Variants in PTDSS2 observed in about 807,000 individuals in gnomAD.
PTDSS2 encodes phosphatidylserine synthase 2.
Under a neutral mutation model 64.7 loss-of-function variants are expected in PTDSS2, and 41 were observed. That is an observed-to-expected ratio of 0.63 (90% CI 0.49 to 0.82). The LOEUF is 0.82. PTDSS2 is among the 40% of genes least tolerant of loss of function. The pLI, the probability that PTDSS2 is intolerant of heterozygous loss-of-function variation, is 0.00. For synonymous variants in PTDSS2, 297 were observed against 277.8 expected (o/e 1.07, Z -0.69); for missense variants, 485 against 650.0 (o/e 0.75, Z 2.76).
At chr11:454,860 G>A (rs1846515442) in intron 1 of PTDSS2, among the ~76,000 whole-genome samples, 1 of 152,198 alleles carries the variant, frequency 6.6e-6, no homozygotes, top group Admixed American at 6.5e-5. Flanking sequence ...GTGTGCTGTG[G>A]AACTTGGTGC....
chr11:472,933 G>C (rs912861996), intron 2 of PTDSS2, among the ~76,000 whole-genome samples: 7 of 152,358 alleles, frequency 4.6e-5, no homozygotes, highest in Admixed American at 4.6e-4. Flanking sequence ...CCGTGGGAGG[G>C]ACTGGGTGGT....
chr11:486,816 C>G (rs1320309719), intron 4 of PTDSS2, 123 bp from the exon 5 acceptor site: 2 of 1,323,920 alleles, frequency 1.5e-6, no homozygotes, highest in Admixed American at 2.5e-5. Flanking sequence ...CCACTGCATT[C>G]CAGCCTGGGC....
chr11:453,704 C>T (rs1465088292), intron 1 of PTDSS2, among the ~76,000 whole-genome samples: 1 of 152,250 alleles, frequency 6.6e-6, no homozygotes, highest in African/African-American at 2.4e-5. Context: ...CCAGGAGCCT[C>T]TCGCAGGCCT....
Position 470,235 on chromosome 11 carries a change from A to G in PTDSS2, c.285-3660A>G, listed in dbSNP as rs1337078140. ...AAGCCCAGTGGTCAGGTCAGCATGC[A>G]CTGGTCATGTTCATGGCGTGGCCGA... On this transcript the variant is annotated intron_variant, in intron 2 of 11. Transcript: ENST00000308020. This position sits in a 1 kb window ranked among gnomAD's most constrained non-coding sequence, Gnocchi z 5.3. Among the ~76,000 whole-genome samples, 1 of 152,196 alleles carries G rather than the reference A, an allele frequency of 6.6e-6. No individual in the cohort carries two copies. Among genetic ancestry groups the G allele is most frequent in the Non-Finnish European group, 1.5e-5 (1 of 68,042 alleles).
chr11:454,521 C>T (rs1276760213), intron 1 of PTDSS2, among the ~76,000 whole-genome samples: 1 of 152,086 alleles, frequency 6.6e-6, no homozygotes, highest in Non-Finnish European at 1.5e-5. Flanking sequence ...CGTGGAAAGT[C>T]GTATTAAAGG....
rs537292687 is a variant in PTDSS2 at position 488,601 on chromosome 11, C to T, written c.808C>T (p.Leu270=). The change falls in exon 8 of 12, where the codon CTG becomes TTG. Residue 270 remains leucine, a synonymous_variant. Transcript: ENST00000308020. ...CGMKTLEWLS[L]KTYKWQGLWN... is the part of the protein sequence containing the mutation. ...CATGAAGACCCTTGAGTGGCTGTCC[C>T]TGAAGACGTACAAGTGGCAGGGCCT... 9.1e-5 allele frequency: 147 copies of T among 1,613,416 alleles called. 1 individual carries two copies. In the East Asian group the frequency reaches 3.0e-3, roughly 33 times the overall value.
In PTDSS2 at chr11:490,812, G is replaced by A. The variant is rs373827519; in HGVS notation, c.*230G>A. On this transcript the variant is annotated 3_prime_UTR_variant, in exon 12 of 12. Transcript: ENST00000308020. ...TGCGTGTGTGTACGCGTGTGTACGC[G>A]CGTGTGTACACATGCGTGGCCGCCT... 707 of 524,836 alleles carry A rather than the reference G, an allele frequency of 1.3e-3. 7 individuals are homozygous for A. The East Asian group carries it at 0.016, about 12-fold the overall frequency. 32.5% of individuals were successfully genotyped at this position (524,836 alleles called of 1,614,324 possible).
intron 1 of PTDSS2, among the ~76,000 whole-genome samples, chr11:455,958 G>T (rs1846571323): frequency 6.6e-6 from 1 of 152,052 alleles, no homozygotes. Flanking sequence ...GAGGCTCCGG[G>T]CCCCACCCCC....
chr11:449,336 G>A (rs1846220068), upstream of PTDSS2, among the ~76,000 whole-genome samples: 1 of 152,240 alleles, frequency 6.6e-6, no homozygotes, highest in Admixed American at 6.5e-5. Context: ...CCAAAGTGCT[G>A]GGATGACAGG....
chr11:479,794 T>C lies in PTDSS2; in HGVS notation c.435+642T>C, dbSNP rs58815543. Reference sequence around the variant, plus strand: ...ATCCTGGGTCAGGCTGTGTTGCTGCTGCAAATGCCTACTTTATTAATACTC... The same window carrying C: ...ATCCTGGGTCAGGCTGTGTTGCTGCCGCAAATGCCTACTTTATTAATACTC... On this transcript the variant is annotated intron_variant, in intron 4 of 11. Transcript: ENST00000308020. The surrounding 1 kb of genome is among the most constrained non-coding windows in gnomAD (Gnocchi z 4.2). 0.025 allele frequency among the ~76,000 whole-genome samples: 3,835 copies of C among 152,342 alleles called. 164 individuals carry two copies. The highest frequency in any genetic ancestry group is 0.087 in the African/African-American group (3,625 of 41,564).
rs533159508 is a variant in PTDSS2, at chr11:489,149, C to G, written c.855-251C>G. Among the ~76,000 whole-genome samples the G allele has an allele frequency of 1.6e-3, 244 of 152,352 alleles. 9 individuals are homozygous for G. In the South Asian group the frequency reaches 0.048, roughly 30 times the overall value. The stretch of plus-strand genomic sequence containing the variant: ...ACTGCTCAAGCTGGAAGAGACTGAA[C>G]AGCAGAGGGCCGTGGAGAAGCAGGG... On this transcript the variant is annotated intron_variant, in intron 8 of 11. Transcript: ENST00000308020.
chr11:473,860 C>A, intron 2 of PTDSS2, 35 bp from the exon 3 acceptor site: 2 of 1,522,132 alleles, frequency 1.3e-6, no homozygotes, highest in Non-Finnish European at 9.1e-7. Flanking sequence ...GAGAAGCCTG[C>A]ACACACTGAG....
rs1847801854 is a variant in PTDSS2, at chr11:476,304, G to GTT, written c.367+2328_367+2329insTT. On this transcript the variant is annotated intron_variant, in intron 3 of 11. Transcript: ENST00000308020. The surrounding 1 kb of genome is among the most constrained non-coding windows in gnomAD (Gnocchi z 4.9). ...GTGCAGTGATGGTGAGAAACTGCCC[G>GTT]TCACACAGTGAAAAGCCTGGCGCCG... Among the ~76,000 whole-genome samples, 1 of 152,120 alleles carries GTT rather than the reference G, an allele frequency of 6.6e-6. No homozygotes were observed. Among genetic ancestry groups the GTT allele is most frequent in the East Asian group, 1.9e-4 (1 of 5,194 alleles).
In PTDSS2 at chr11:460,670, C is replaced by T. The variant is rs73385850; in HGVS notation, c.284+382C>T. 0.026 allele frequency: 4,986 copies of T among 192,532 alleles called. 265 individuals carry two copies. Among genetic ancestry groups the T allele is most frequent in the African/African-American group, 0.11 (4,680 of 43,106 alleles). The allele number at this position is 192,532 out of a possible 1,614,324, so 11.9% of individuals were successfully genotyped here. A position where few individuals can be genotyped will look rare whatever the true frequency, so the allele number is the denominator to read the frequency against. On this transcript the variant is annotated intron_variant, in intron 2 of 11. Coordinates refer to ENST00000308020, the MANE Select transcript of PTDSS2 (RefSeq NM_030783.3). The surrounding 1 kb of genome is among the most constrained non-coding windows in gnomAD (Gnocchi z 5.8). ...TCCTGCGGTGGCCGCGTGCTGGTTC[C>T]GTTAGCCAGCGGGGCTCTTGCACGG...
chr11:468,953 C>G (rs1847270172), intron 2 of PTDSS2, among the ~76,000 whole-genome samples: 1 of 92,872 alleles, frequency 1.1e-5, no homozygotes, highest in Admixed American at 1.2e-4. Context: ...AGGGGAGTCT[C>G]TGGGTAATCG....
At chr11:451,982 C>T (rs1846350905) in intron 1 of PTDSS2, among the ~76,000 whole-genome samples, 1 of 152,170 alleles carries the variant, frequency 6.6e-6, no homozygotes, top group African/African-American at 2.4e-5. Flanking sequence ...CTGTGGACAT[C>T]AGGCCTCTCC....
chr11:454,698 G>T (rs529785934), intron 1 of PTDSS2, among the ~76,000 whole-genome samples: 1 of 152,134 alleles, frequency 6.6e-6, no homozygotes, highest in Non-Finnish European at 1.5e-5. Context: ...CCAGCTGCTT[G>T]GGAGGCTGAG....
chr11:456,194 A>C (rs1846587478), intron 1 of PTDSS2, among the ~76,000 whole-genome samples: 1 of 97,792 alleles, frequency 1.0e-5, no homozygotes, highest in Non-Finnish European at 2.2e-5. Context: ...TTTTTTTGAG[A>C]CAGAATCTCA....
chr11:451,410 C>T (rs950909225), intron 1 of PTDSS2: 3 of 448,328 alleles, frequency 6.7e-6, no homozygotes, highest in South Asian at 1.6e-5. Context: ...GGCCCTTTGC[C>T]GATGCTCCTC....
Sources: allele counts gnomAD v4.1 joint callset (sites outside exome capture counted in the v4.1 genomes callset), GRCh38; gene constraint gnomAD v4.1.1; non-coding constraint Gnocchi (gnomAD v3.1); transcripts MANE v1.5; gene names NCBI Gene and HGNC (gene_info 2026-07-23, HGNC 2026-07-21).